The following RBM20 variants were observed in gnomAD, a reference collection of about 807,000 sequenced individuals.
RBM20 encodes the protein RNA binding motif protein 20, also known as RNA-binding protein 20.
In RBM20, 51 loss-of-function variants were observed where a neutral mutation model predicts 110.1. The ratio of observed to expected loss-of-function variants is 0.46; its 90% CI spans 0.37 to 0.59. RBM20 has a LOEUF of 0.59. RBM20 is among the 20% of genes least tolerant of loss of function. RBM20 has a pLI of 0.00. For synonymous variants in RBM20, 589 were observed against 618.2 expected (o/e 0.95, Z 0.70); for missense variants, 1,512 against 1,574.9 (o/e 0.96, Z 0.68).
At chr10:110,787,072 G>T (rs930420367) in intron 5 of RBM20, among the ~76,000 whole-genome samples, 2 of 152,202 alleles carry the variant, frequency 1.3e-5, no homozygotes, top group African/African-American at 4.8e-5. Flanking sequence ...TCCTACTTTG[G>T]GAGCCACTTG....
intron 10 of RBM20, 84 bp from the exon 11 acceptor site, chr10:110,821,191 G>T: frequency 8.9e-7 from 1 of 1,125,564 alleles, no homozygotes. Flanking sequence ...TTCCTGATTT[G>T]AGTGGTCCTT....
chr10:110,784,993 C>G (rs952964768), intron 5 of RBM20, 104 bp downstream of exon 5: 5 of 723,988 alleles, frequency 6.9e-6, no homozygotes, highest in Non-Finnish European at 6.9e-6. Context: ...ATGGTGCAAT[C>G]ATATCTCACT....
At chr10:110,683,267 T>C (rs1862448415) in intron 1 of RBM20, among the ~76,000 whole-genome samples, 2 of 152,222 alleles carry the variant, frequency 1.3e-5, no homozygotes, top group Admixed American at 1.3e-4. Flanking sequence ...TTCATGAACT[T>C]GTTAATGGCA....
intron 1 of RBM20, among the ~76,000 whole-genome samples, chr10:110,656,504 A>G (rs978466392): frequency 1.3e-5 from 2 of 152,012 alleles, no homozygotes. Flanking sequence ...TCACTATTTT[A>G]AAGTGCATAA....
At chr10:110,752,947 T>TATATATA (rs1564835271) in intron 1 of RBM20, among the ~76,000 whole-genome samples, 43 of 91,562 alleles carry the variant, frequency 4.7e-4, no homozygotes, top group Middle Eastern at 5.2e-3. Flanking sequence ...ATATATATAT[T>TATATATA]TTTTTTTTTT....
intron 1 of RBM20, among the ~76,000 whole-genome samples, chr10:110,753,828 A>G (rs757128707): frequency 2.0e-5 from 3 of 152,176 alleles, no homozygotes; most frequent in Non-Finnish European, 2.9e-5. Context: ...CATTCCTTGC[A>G]TTGCTTGATT....
intron 1 of RBM20, among the ~76,000 whole-genome samples, chr10:110,724,823 C>A (rs1843544419): frequency 6.6e-6 from 1 of 152,136 alleles, no homozygotes; most frequent in African/African-American, 2.4e-5. Context: ...TGTAAGTGTA[C>A]CAGGTTTCTT....
intron 1 of RBM20, among the ~76,000 whole-genome samples, chr10:110,660,893 G>A (rs1167646142): frequency 6.6e-6 from 1 of 151,920 alleles, no homozygotes; most frequent in Non-Finnish European, 1.5e-5. Context: ...CAAAAAACTG[G>A]TCCCTGGTGC....
intron 1 of RBM20, among the ~76,000 whole-genome samples, chr10:110,780,138 T>A (rs1269935890): frequency 6.6e-6 from 1 of 152,210 alleles, no homozygotes; most frequent in East Asian, 1.9e-4. Context: ...TGGTGCTGTG[T>A]ACTCTTTTTT....
At chr10:110,789,002 C>T (rs1217727806) in intron 5 of RBM20, among the ~76,000 whole-genome samples, 1 of 152,228 alleles carries the variant, frequency 6.6e-6, no homozygotes, top group Non-Finnish European at 1.5e-5. Flanking sequence ...CCTTTCAGCC[C>T]TCACAGAGAT....
intron 1 of RBM20, among the ~76,000 whole-genome samples, chr10:110,743,150 T>A (rs1843740350): frequency 6.6e-6 from 1 of 152,242 alleles, no homozygotes; most frequent in African/African-American, 2.4e-5. Context: ...TTTGAAAGGT[T>A]TATATGAAGT....
chr10:110,697,130 A>AT (rs933556402), intron 1 of RBM20, among the ~76,000 whole-genome samples: 13 of 151,306 alleles, frequency 8.6e-5, no homozygotes, highest in African/African-American at 2.2e-4. Context: ...TCTATGCAGA[A>AT]TTTTTTTTTT....
At chr10:110,653,118 T>C (rs1372518925) in intron 1 of RBM20, among the ~76,000 whole-genome samples, 2 of 152,234 alleles carry the variant, frequency 1.3e-5, no homozygotes, top group South Asian at 4.1e-4. Flanking sequence ...AGAAACGTCC[T>C]CTTAACACCT....
At chr10:110,670,735 T>C (rs1222374549) in intron 1 of RBM20, among the ~76,000 whole-genome samples, 1 of 152,220 alleles carries the variant, frequency 6.6e-6, no homozygotes, top group East Asian at 1.9e-4. Flanking sequence ...TTCTCATAAA[T>C]ACTTTGAGAT....
chr10:110,667,972 G>A (rs531615922), intron 1 of RBM20, among the ~76,000 whole-genome samples: 1 of 152,290 alleles, frequency 6.6e-6, no homozygotes, highest in African/African-American at 2.4e-5. Flanking sequence ...TGAGGCTACA[G>A]CACTTTTATT....
intron 1 of RBM20, among the ~76,000 whole-genome samples, chr10:110,685,286 G>A (rs983589807): frequency 1.3e-5 from 2 of 152,180 alleles, no homozygotes; most frequent in Admixed American, 6.5e-5. Context: ...ACTCCTGGAG[G>A]CCTCTGAGAT....
At chr10:110,781,923 G>A in intron 2 of RBM20, 39 bp downstream of exon 2, 1 of 1,551,200 alleles carries the variant, frequency 6.4e-7, no homozygotes, top group South Asian at 1.2e-5. Context: ...ACAGCTAGAA[G>A]CCTGGGCAGG....
At chr10:110,706,394 G>C in intron 1 of RBM20, among the ~76,000 whole-genome samples, 1 of 152,246 alleles carries the variant, frequency 6.6e-6, no homozygotes. Flanking sequence ...GGCAATATCT[G>C]TGTGTCTCTG....
chr10:110,734,386 C>A (rs1007133283), intron 1 of RBM20, among the ~76,000 whole-genome samples: 2 of 152,210 alleles, frequency 1.3e-5, no homozygotes, highest in Non-Finnish European at 2.9e-5. Context: ...TGGCTCTGGG[C>A]ACTCATACAC....
Sources: allele counts gnomAD v4.1 joint callset (sites outside exome capture counted in the v4.1 genomes callset), GRCh38; gene constraint gnomAD v4.1.1; transcripts MANE v1.5; gene names NCBI Gene and HGNC (gene_info 2026-07-23, HGNC 2026-07-21).